Variants in PCDHGA1 observed in about 807,000 individuals in gnomAD.
PCDHGA1 encodes the protein protocadherin gamma-A1.
PCDHGA1 carries 32 observed loss-of-function variants against 58.0 expected under a neutral mutation model. That is an observed-to-expected ratio of 0.55 (90% CI 0.42 to 0.74). The LOEUF (loss-of-function observed/expected upper bound fraction) is 0.74, where lower values mean the gene tolerates loss of function less well. Ranked by LOEUF, PCDHGA1 falls within the 30% of genes least tolerant of loss-of-function variation. The pLI is 0.00. For missense variants in PCDHGA1, 1,205 were observed against 1,182.3 expected (o/e 1.02, Z -0.28); for synonymous variants, 498 against 501.1 (o/e 0.99, Z 0.08).
At chr5:141,404,142 CAGA>C (rs781433913) in intron 1 of PCDHGA1, 21 of 1,612,668 alleles carry the variant, frequency 1.3e-5, no homozygotes, top group Middle Eastern at 1.6e-4. Context: ...TTAGAAAATT[CAGA>C]AGAAGATTAT....
chr5:141,365,723 A>T, intron 1 of PCDHGA1: 1 of 1,613,726 alleles, frequency 6.2e-7, no homozygotes, highest in South Asian at 1.1e-5. Context: ...CACAGAAAAC[A>T]ATCCCAGAGG....
chr5:141,389,874 G>A, intron 1 of PCDHGA1: 1 of 1,614,072 alleles, frequency 6.2e-7, no homozygotes, highest in Non-Finnish European at 8.5e-7. Context: ...GGTCTTCGCC[G>A]ACAGCTTGCA....
At chr5:141,380,374 C>CA (rs1392745416) in intron 1 of PCDHGA1, among the ~76,000 whole-genome samples, 1 of 151,910 alleles carries the variant, frequency 6.6e-6, no homozygotes, top group Non-Finnish European at 1.5e-5. Flanking sequence ...AAAAAAGTCC[C>CA]AAAAAAGAAA....
At chr5:141,454,953 G>A (rs1304192945) in intron 1 of PCDHGA1, among the ~76,000 whole-genome samples, 4 of 150,686 alleles carry the variant, frequency 2.7e-5, no homozygotes, top group Admixed American at 6.6e-5. Context: ...GACTACAGGC[G>A]CCGGCCACCA....
chr5:141,376,508 G>A (rs1267982619), intron 1 of PCDHGA1: 1 of 1,614,020 alleles, frequency 6.2e-7, no homozygotes, highest in South Asian at 1.1e-5. Context: ...GCAACTTCAG[G>A]TGAGTTTCTT....
intron 1 of PCDHGA1, chr5:141,408,782 T>A: frequency 6.2e-7 from 1 of 1,612,108 alleles, no homozygotes. Context: ...ATACCCAGAG[T>A]TATCTCTGGA....
intron 1 of PCDHGA1, among the ~76,000 whole-genome samples, chr5:141,373,138 T>A (rs1047353742): frequency 6.6e-6 from 1 of 152,246 alleles, no homozygotes; most frequent in South Asian, 2.1e-4. Flanking sequence ...TCCTCACAAT[T>A]AAGTGGTTTA....
chr5:141,470,911 G>C (rs1208467445), intron 1 of PCDHGA1, among the ~76,000 whole-genome samples: 1 of 151,916 alleles, frequency 6.6e-6, no homozygotes, highest in African/African-American at 2.4e-5. Context: ...AGATGGGACT[G>C]TCCCTATGTT....
At chr5:141,506,119 G>T (rs1171566108) in intron 3 of PCDHGA1, among the ~76,000 whole-genome samples, 1 of 152,106 alleles carries the variant, frequency 6.6e-6, no homozygotes, top group African/African-American at 2.4e-5. Context: ...AGTCACTAGG[G>T]CCCAGAGCAG....
chr5:141,402,430 C>T (rs1026560659), intron 1 of PCDHGA1, among the ~76,000 whole-genome samples: 2 of 151,802 alleles, frequency 1.3e-5, no homozygotes, highest in African/African-American at 4.8e-5. Flanking sequence ...ATTGAAGCAT[C>T]ATAAAAAGGA....
Position 141,432,492 on chromosome 5 carries a change from C to A in PCDHGA1, c.2422-62315C>A. On this transcript the variant is annotated intron_variant, in intron 1 of 3. Transcript: ENST00000517417. The surrounding 1 kb of genome is among the most constrained non-coding windows in gnomAD (Gnocchi z 6.0). ...GACGGTTCCACTGGCGTGGAGCTGG[C>A]TCCCCGCTCCGCAGAGCCCGGCTAC... 6.2e-7 allele frequency: 1 copy of A among 1,614,168 alleles called. No individual in the cohort carries two copies. Among genetic ancestry groups the A allele is most frequent in the Admixed American group, 1.7e-5 (1 of 60,034 alleles).
At chr5:141,335,896 A>G (rs1756586832) in intron 1 of PCDHGA1, among the ~76,000 whole-genome samples, 1 of 152,214 alleles carries the variant, frequency 6.6e-6, no homozygotes, top group Non-Finnish European at 1.5e-5. Flanking sequence ...AAAACTACTC[A>G]GAAAAAAAGG....
At chr5:141,392,987 G>T in intron 1 of PCDHGA1, 1 of 1,613,930 alleles carries the variant, frequency 6.2e-7, no homozygotes. Context: ...ACCCCCGGAA[G>T]CTGGCGAAGC....
In PCDHGA1 at chr5:141,431,788, T is replaced by G. The variant is rs775397713; in HGVS notation, c.2422-63019T>G. 1 of 1,614,190 alleles carries G rather than the reference T, an allele frequency of 6.2e-7. No homozygotes were observed. The highest frequency in any genetic ancestry group is 1.1e-5 in the South Asian group (1 of 91,080). ...TCACTGTTCTGGACGTGAACGACAA[T>G]GCCCCAGAAGTGGTCCTCACCTCTC... On this transcript the variant is annotated intron_variant, in intron 1 of 3. Coordinates refer to ENST00000517417, the MANE Select transcript of PCDHGA1 (RefSeq NM_018912.3). The surrounding 1 kb of genome is among the most constrained non-coding windows in gnomAD (Gnocchi z 4.8).
At chr5:141,338,689 G>C in intron 1 of PCDHGA1, 1 of 462,742 alleles carries the variant, frequency 2.2e-6, no homozygotes, top group Non-Finnish European at 3.2e-6. Flanking sequence ...TTCCTGAGCA[G>C]GTGCAGAAAT....
Position 141,489,316 on chromosome 5 carries a change from T to C in PCDHGA1, c.2422-5491T>C, listed in dbSNP as rs2099685399. On this transcript the variant is annotated intron_variant, in intron 1 of 3. Transcript: ENST00000517417. This position sits in a 1 kb window ranked among gnomAD's most constrained non-coding sequence, Gnocchi z 4.5. The stretch of plus-strand genomic sequence containing the variant: ...CATGTTGTCCTTGTGCTGCTGGGGC[T>C]GGGTGTCTGGGCAGCTTCGTTACTC... The C allele has an allele frequency of 1.3e-6, 2 of 1,597,946 alleles. No individual in the cohort carries two copies. Among genetic ancestry groups the C allele is most frequent in the Admixed American group, 1.7e-5 (1 of 58,864 alleles).
chr5:141,450,758 A>G (rs1007910264), intron 1 of PCDHGA1, among the ~76,000 whole-genome samples: 2 of 151,784 alleles, frequency 1.3e-5, no homozygotes, highest in African/African-American at 4.8e-5. Flanking sequence ...AAGTGCCGGG[A>G]TTACAGGCAT....
In PCDHGA1 at chr5:141,357,565, G is replaced by A. The variant is rs766473131; in HGVS notation, c.2421+24460G>A. The A allele has an allele frequency of 1.1e-5, 17 of 1,614,184 alleles. No individual in the cohort carries two copies. In the Admixed American group the frequency reaches 2.5e-4, roughly 24 times the overall value. Reference sequence around the variant, plus strand: ...CAGCCGGGAGAGTTGTGAGAAAAGCGAGCCTCTTCTGATAACTCAGGATTT... The same window carrying A: ...CAGCCGGGAGAGTTGTGAGAAAAGCAAGCCTCTTCTGATAACTCAGGATTT... On this transcript the variant is annotated intron_variant, in intron 1 of 3. Transcript: ENST00000517417.
intron 1 of PCDHGA1, among the ~76,000 whole-genome samples, chr5:141,464,630 T>C (rs981288560): frequency 1.3e-5 from 2 of 152,176 alleles, no homozygotes; most frequent in African/African-American, 4.8e-5. Context: ...AGCTTTTTAA[T>C]TGTTGCCAAC....
Sources: allele counts gnomAD v4.1 joint callset (sites outside exome capture counted in the v4.1 genomes callset), GRCh38; gene constraint gnomAD v4.1.1; non-coding constraint Gnocchi (gnomAD v3.1); transcripts MANE v1.5; gene names NCBI Gene and HGNC (gene_info 2026-07-23, HGNC 2026-07-21).